The following UGP2 variants were observed in gnomAD, a reference collection of about 807,000 sequenced individuals.
UGP2 encodes UDP-glucose pyrophosphorylase 2.
A neutral mutation model predicts 49.0 loss-of-function variants in UGP2; 40 were observed. That is an observed-to-expected ratio of 0.82 (90% confidence interval 0.63 to 1.06). The LOEUF (loss-of-function observed/expected upper bound fraction) is 1.06, where lower values mean the gene tolerates loss of function less well. Among genes scored for constraint, UGP2 ranks in the 50% least tolerant of loss-of-function variants. The probability of loss-of-function intolerance (pLI) is 0.00; values close to 1 mark genes in which losing one functional copy is unlikely to be tolerated. For missense variants in UGP2, 460 were observed against 603.5 expected (o/e 0.76, Z 2.49); for synonymous variants, 225 against 213.0 (o/e 1.06, Z -0.49).
chr2:63,885,759 T>C lies in UGP2; in HGVS notation c.746T>C (p.Val249Ala). ...GGAGAAGGCAAAGAGTATATTTTTG[T>C]GTCTAACATAGATAATCTGGGTGCC... The part of the protein sequence containing the change: ...FIGEGKEYIF[V>A]SNIDNLGATV... The change falls in exon 6 of 10, where the codon GTG becomes GCG. Residue 249 changes from valine to alanine, a missense_variant. Around this residue, in one of 2 missense-constraint regions of UGP2, gnomAD observed 317 missense variants for 473.0 expected, o/e 0.67. Coordinates refer to ENST00000337130, the MANE Select transcript of UGP2 (RefSeq NM_006759.4). The C allele has an allele frequency of 6.2e-7, 1 of 1,614,044 alleles. No individual in the cohort carries two copies. Among genetic ancestry groups the C allele is most frequent in the Non-Finnish European group, 8.5e-7 (1 of 1,179,974 alleles).
intron 3 of UGP2, among the ~76,000 whole-genome samples, chr2:63,858,394 G>A (rs1669597147): frequency 6.6e-6 from 1 of 152,048 alleles, no homozygotes; most frequent in African/African-American, 2.4e-5. Context: ...TTAAGCTAAT[G>A]AATCTCTCTT....
chr2:63,884,074 T>A lies in UGP2; in HGVS notation c.556T>A (p.Tyr186Asn). 6.2e-7 allele frequency: 1 copy of A among 1,613,022 alleles called. No homozygotes were observed. Among genetic ancestry groups the A allele is most frequent in the Non-Finnish European group, 8.5e-7 (1 of 1,179,826 alleles). ...GTACAATCATTGTCGTGTGAAAATC[T>A]ACACTTTCAATCAAAGCAGGTACAA... The part of the protein sequence containing the change: ...QKYNHCRVKI[Y>N]TFNQSRYPRI... The change falls in exon 5 of 10, where the codon TAC (tyrosine) becomes AAC (asparagine). Residue 186 changes from tyrosine to asparagine, a missense_variant. Tyr to Asn is a moderately radical substitution (Grantham distance 143). Transcript: ENST00000337130.
intron 1 of UGP2, among the ~76,000 whole-genome samples, chr2:63,843,382 T>C (rs979771213): frequency 6.6e-6 from 1 of 152,232 alleles, no homozygotes; most frequent in Non-Finnish European, 1.5e-5. Flanking sequence ...ATTGAGTAAA[T>C]GTCTTATTCA....
intron 7 of UGP2, 78 bp from the exon 8 acceptor site, chr2:63,887,324 A>G (rs569159760): frequency 6.1e-5 from 94 of 1,537,572 alleles, no homozygotes; most frequent in Middle Eastern, 5.3e-4. Context: ...CTTCCCAAAT[A>G]TTAACTAACC....
At chr2:63,865,196 T>G (rs1670099404) in intron 3 of UGP2, among the ~76,000 whole-genome samples, 1 of 152,164 alleles carries the variant, frequency 6.6e-6, no homozygotes, top group African/African-American at 2.4e-5. Flanking sequence ...GTCACTCCCC[T>G]CAAAGAACTT....
At chr2:63,856,941 T>G (rs1220931705) in intron 2 of UGP2, 1 of 398,388 alleles carries the variant, frequency 2.5e-6, no homozygotes, top group African/African-American at 2.1e-5. Flanking sequence ...CTAGCTGTGT[T>G]TTATTTCTTT....
rs148936447 is a variant in UGP2 at position 63,842,196 on chromosome 2, T to C, written c.11T>C (p.Phe4Ser). 8 of 1,601,186 alleles carry C rather than the reference T, an allele frequency of 5.0e-6. No homozygotes were observed. The African/African-American group carries it at 5.4e-5, about 11-fold the overall frequency. Residue 4 changes from phenylalanine (F) to serine (S), a missense_variant, in exon 1 of 10, where the codon TTT becomes TCT. Phe to Ser is a radical substitution (Grantham distance 155). Coordinates refer to ENST00000337130, the MANE Select transcript of UGP2 (RefSeq NM_006759.4). MSRFVQDLSKAMSQ... is the reference protein window; with the variant it reads MSRSVQDLSKAMSQ... Reference sequence around the variant, plus strand: ...TACTAAGCCCCTAAAATGTCGAGATTTGTACAAGGTAAGAAATGCTGCTGC... The same window carrying C: ...TACTAAGCCCCTAAAATGTCGAGATCTGTACAAGGTAAGAAATGCTGCTGC...
intron 1 of UGP2, among the ~76,000 whole-genome samples, chr2:63,852,041 T>G (rs778642655): frequency 6.6e-6 from 1 of 152,236 alleles, no homozygotes; most frequent in Non-Finnish European, 1.5e-5. Flanking sequence ...TATACCCTTA[T>G]GGCTTACTGG....
chr2:63,878,561 C>T (rs1411843188), intron 3 of UGP2, among the ~76,000 whole-genome samples: 2 of 152,128 alleles, frequency 1.3e-5, no homozygotes, highest in Non-Finnish European at 2.9e-5. Flanking sequence ...TAACATGTTT[C>T]TACAAGGAAC....
intron 3 of UGP2, 126 bp from the exon 4 acceptor site, chr2:63,882,340 G>C: frequency 1.1e-6 from 1 of 884,326 alleles, no homozygotes; most frequent in Non-Finnish European, 1.6e-6. Flanking sequence ...TTAAAGAAAA[G>C]TTGATTAAAA....
chr2:63,888,211 G>C (rs1671823517), intron 8 of UGP2: 1 of 154,402 alleles, frequency 6.5e-6, no homozygotes. Flanking sequence ...CAGCCTCATT[G>C]AGTTGATTGA....
chr2:63,842,050 T>A lies in UGP2; in HGVS notation c.-136T>A. 1.0e-6 allele frequency: 1 copy of A among 986,788 alleles called. No individual in the cohort carries two copies. The highest frequency in any genetic ancestry group is 1.4e-6 in the Non-Finnish European group (1 of 705,438). The allele number at this position is 986,788 out of a possible 1,614,324, so 61.1% of individuals were successfully genotyped here. A position where few individuals can be genotyped will look rare whatever the true frequency, so the allele number is the denominator to read the frequency against. On this transcript the variant is annotated 5_prime_UTR_variant, in exon 1 of 10. Transcript: ENST00000337130. The stretch of plus-strand genomic sequence containing the variant: ...AGTTTTAATCGCTTTGAATAAATAC[T>A]CCCTTAAGTAGTTAAATATAGGAGG...
At chr2:63,863,003 T>C (rs1408764761) in intron 3 of UGP2, 4 of 371,526 alleles carry the variant, frequency 1.1e-5, no homozygotes, top group Non-Finnish European at 2.1e-5. Context: ...TCCTTTCTAA[T>C]CATACTAAAG....
chr2:63,855,347 T>A (rs1669317845), intron 1 of UGP2: 1 of 412,076 alleles, frequency 2.4e-6, no homozygotes, highest in African/African-American at 2.1e-5. Flanking sequence ...AATACATTTT[T>A]AAAATAAGAT....
chr2:63,850,713 A>G (rs1193880144), intron 1 of UGP2, among the ~76,000 whole-genome samples: 1 of 152,158 alleles, frequency 6.6e-6, no homozygotes, highest in East Asian at 1.9e-4. Flanking sequence ...TCTGCTTGAG[A>G]AGCCTTAGGG....
chr2:63,857,968 G>T, intron 3 of UGP2, 32 bp downstream of exon 3: 2 of 1,600,936 alleles, frequency 1.2e-6, no homozygotes, highest in South Asian at 1.1e-5. Flanking sequence ...GGAAAATGTA[G>T]GGTAATCTTG....
chr2:63,877,157 T>C (rs565529281), intron 3 of UGP2, among the ~76,000 whole-genome samples: 2 of 152,390 alleles, frequency 1.3e-5, no homozygotes, highest in Non-Finnish European at 2.9e-5. Context: ...GGTTATCTGG[T>C]AGATTGCTTT....
At position 63,842,043 on chromosome 2, in the gene UGP2, T is replaced by C; in HGVS notation, c.-143T>C. ...TTGAGCCAGTTTTAATCGCTTTGAA[T>C]AAATACTCCCTTAAGTAGTTAAATA... On this transcript the variant is annotated 5_prime_UTR_variant, in exon 1 of 10. Coordinates refer to ENST00000337130, the MANE Select transcript of UGP2 (RefSeq NM_006759.4). 2 of 959,420 alleles carry C rather than the reference T, an allele frequency of 2.1e-6. No homozygotes were observed. The highest frequency in any genetic ancestry group is 2.9e-6 in the Non-Finnish European group (2 of 684,452). 59.4% of individuals were successfully genotyped at this position (959,420 alleles called of 1,614,324 possible).
intron 3 of UGP2, among the ~76,000 whole-genome samples, chr2:63,863,205 G>A (rs573631301): frequency 6.6e-6 from 1 of 152,060 alleles, no homozygotes; most frequent in South Asian, 2.1e-4. Flanking sequence ...AAAATACTCA[G>A]AAGTCTTTGA....
Sources: allele counts gnomAD v4.1 joint callset (sites outside exome capture counted in the v4.1 genomes callset), GRCh38; gene constraint gnomAD v4.1.1; regional missense constraint gnomAD v4.1.1; transcripts MANE v1.5; gene names NCBI Gene and HGNC (gene_info 2026-07-23, HGNC 2026-07-21).